The following CORO2B variants were observed in gnomAD, a reference collection of about 807,000 sequenced individuals.
The protein encoded by CORO2B is coronin 2B.
A neutral mutation model predicts 58.8 loss-of-function variants in CORO2B; 26 were observed. The observed-to-expected ratio is 0.44, with a 90% CI of 0.32 to 0.61. The LOEUF (loss-of-function observed/expected upper bound fraction) is 0.61. Ranked by LOEUF, CORO2B falls within the 20% of genes least tolerant of loss-of-function variation. The pLI, the probability that CORO2B is intolerant of heterozygous loss-of-function variation, is 0.04. For missense variants in CORO2B, 460 were observed against 645.1 expected (o/e 0.71, Z 3.11); for synonymous variants, 242 against 253.8 (o/e 0.95, Z 0.44).
chr15:68,595,940 G>A (rs1008772486), intron 1 of CORO2B, among the ~76,000 whole-genome samples: 8 of 152,144 alleles, frequency 5.3e-5, no homozygotes, highest in Admixed American at 4.6e-4. Context: ...GGAAGGAGCA[G>A]CGTGAGCAGA....
chr15:68,649,777 C>T (rs1221954046), intron 2 of CORO2B, among the ~76,000 whole-genome samples: 1 of 152,138 alleles, frequency 6.6e-6, no homozygotes, highest in South Asian at 2.1e-4. Context: ...CATCATTTTA[C>T]ACTTTTGCAA....
chr15:68,575,216 A>G (rs191958771), upstream of CORO2B, among the ~76,000 whole-genome samples: 3 of 152,264 alleles, frequency 2.0e-5, no homozygotes, highest in African/African-American at 7.2e-5. Flanking sequence ...AACAATGGGG[A>G]AGAGGAGGGT....
intron 2 of CORO2B, among the ~76,000 whole-genome samples, chr15:68,659,469 T>C (rs1901938693): frequency 6.6e-6 from 1 of 152,208 alleles, no homozygotes; most frequent in African/African-American, 2.4e-5. Flanking sequence ...TCCCAGCACA[T>C]TGGGAGGCCC....
intron 2 of CORO2B, among the ~76,000 whole-genome samples, chr15:68,657,409 C>T (rs980728775): frequency 1.7e-4 from 26 of 149,300 alleles, no homozygotes; most frequent in African/African-American, 5.6e-4. Flanking sequence ...CCCAGATACT[C>T]GGGAGGCTGA....
At chr15:68,690,940 T>G (rs1892344478) in intron 2 of CORO2B, among the ~76,000 whole-genome samples, 2 of 151,252 alleles carry the variant, frequency 1.3e-5, no homozygotes, top group African/African-American at 2.4e-5. Context: ...ATTACAGGTG[T>G]GAGCCACTGT....
chr15:68,716,606 T>C (rs1053209903), intron 8 of CORO2B, among the ~76,000 whole-genome samples: 2 of 152,066 alleles, frequency 1.3e-5, no homozygotes, highest in East Asian at 3.9e-4. Context: ...AGTCAAATGG[T>C]GTGCTAGAAC....
At chr15:68,669,560 A>T (rs1596002110) in intron 2 of CORO2B, among the ~76,000 whole-genome samples, 1 of 152,192 alleles carries the variant, frequency 6.6e-6, no homozygotes, top group Admixed American at 6.5e-5. Flanking sequence ...TATTCCCGGG[A>T]CTGACCTTGA....
intron 2 of CORO2B, among the ~76,000 whole-genome samples, chr15:68,671,265 T>G (rs1012137878): frequency 1.3e-5 from 2 of 152,216 alleles, no homozygotes; most frequent in Admixed American, 6.5e-5. Context: ...TGTTGTTGTT[T>G]TTTTTTCCTA....
the CORO2B span, among the ~76,000 whole-genome samples, chr15:68,565,156 GATTA>G: frequency 2.0e-5 from 3 of 152,088 alleles, no homozygotes; most frequent in Non-Finnish European, 4.4e-5. Context: ...ATGAATTTAA[GATTA>G]ATTTTTATGT....
chr15:68,712,968 T>C (rs66732052), intron 5 of CORO2B, among the ~76,000 whole-genome samples: 27,331 of 152,138 alleles, frequency 0.18, 2,911 homozygotes, highest in Non-Finnish European at 0.24. Context: ...ACTTTTTTGG[T>C]GGAGCTAGAA....
chr15:68,725,090 C>T lies in CORO2B; in HGVS notation c.1312-753C>T, dbSNP rs140637529. 6.1e-4 allele frequency among the ~76,000 whole-genome samples: 93 copies of T among 152,294 alleles called. 1 individual carries two copies. The East Asian group carries it at 0.013, about 21-fold the overall frequency. ...AAAGTTCTAAATTATCAGCACAAGC[C>T]GGGCATGGTAGCTTACACCTGTAAT... is the stretch of plus-strand genomic sequence containing the variant. On this transcript the variant is annotated intron_variant, in intron 11 of 11. Transcript: ENST00000261861.
intron 1 of CORO2B, among the ~76,000 whole-genome samples, chr15:68,582,690 T>C (rs944902411): frequency 6.6e-5 from 10 of 152,212 alleles, no homozygotes; most frequent in Admixed American, 1.3e-4. Flanking sequence ...AGAAAACCTG[T>C]GAGCTAAAGT....
chr15:68,618,058 G>A (rs999494856), intron 1 of CORO2B, among the ~76,000 whole-genome samples: 2 of 152,182 alleles, frequency 1.3e-5, no homozygotes, highest in African/African-American at 4.8e-5. Flanking sequence ...AGTTAGTGCT[G>A]TGGCTTTCAG....
chr15:68,705,436 C>CAAAAAAAAAAAAAA (rs35973911), intron 3 of CORO2B, among the ~76,000 whole-genome samples: 6 of 112,806 alleles, frequency 5.3e-5, no homozygotes, highest in African/African-American at 2.1e-4. Context: ...AACTCTATCT[C>CAAAAAAAAAAAAAA]AAAAAAAAAA....
intron 2 of CORO2B, among the ~76,000 whole-genome samples, chr15:68,647,615 G>A (rs932699107): frequency 2.6e-5 from 4 of 151,920 alleles, no homozygotes; most frequent in African/African-American, 7.3e-5. Context: ...CTTGAACCTG[G>A]GAGGCGGGGG....
At chr15:68,724,753 C>T (rs1169608824) in intron 11 of CORO2B, among the ~76,000 whole-genome samples, 5 of 152,064 alleles carry the variant, frequency 3.3e-5, no homozygotes, top group South Asian at 2.1e-4. Flanking sequence ...TAATTCACAC[C>T]AGAAAGTTTG....
chr15:68,529,904 C>T, the CORO2B span, among the ~76,000 whole-genome samples: 1 of 152,152 alleles, frequency 6.6e-6, no homozygotes, highest in African/African-American at 2.4e-5. Context: ...ACTCTTTGAA[C>T]TAAAGGTTAC....
Position 68,645,100 on chromosome 15 carries a change from G to T in CORO2B, c.16-60G>T. 6.4e-7 allele frequency: 1 copy of T among 1,561,644 alleles called. No homozygotes were observed. Among genetic ancestry groups the T allele is most frequent in the Non-Finnish European group, 8.7e-7 (1 of 1,146,250 alleles). On this transcript the variant is annotated intron_variant, in intron 1 of 11. Coordinates refer to ENST00000261861, the MANE Select transcript of CORO2B (RefSeq NM_006091.5). This position sits in a 1 kb window ranked among gnomAD's most constrained non-coding sequence, Gnocchi z 4.5. ...GCAGCTTCCCTCCCCCAAGAGCCCA[G>T]CCGAGGCCCTTCATGGCACAGGGCC...
intron 8 of CORO2B, among the ~76,000 whole-genome samples, chr15:68,716,686 T>A (rs1317281435): frequency 6.6e-6 from 1 of 152,154 alleles, no homozygotes; most frequent in Non-Finnish European, 1.5e-5. Flanking sequence ...GTATTTTAAG[T>A]TGAGCTCTGA....
Sources: allele counts gnomAD v4.1 joint callset (sites outside exome capture counted in the v4.1 genomes callset), GRCh38; gene constraint gnomAD v4.1.1; non-coding constraint Gnocchi (gnomAD v3.1); transcripts MANE v1.5; gene names NCBI Gene and HGNC (gene_info 2026-07-23, HGNC 2026-07-21).